GPC5: variants seen among roughly 807,000 people sequenced by gnomAD.
The protein encoded by GPC5 is glypican-5.
In GPC5, 47 loss-of-function variants were observed where a neutral mutation model predicts 53.9. The observed-to-expected ratio is 0.87, with a 90% CI of 0.69 to 1.11. The LOEUF is 1.11. Ranked by LOEUF, GPC5 falls within the 50% of genes most tolerant of loss-of-function variation. The pLI, the probability that GPC5 is intolerant of heterozygous loss-of-function variation, is 0.00. For missense variants in GPC5, 748 were observed against 713.1 expected, an observed-to-expected ratio of 1.05 and a Z score of -0.56; for synonymous variants, 286 against 263.3, an observed-to-expected ratio of 1.09 and a Z score of -0.84.
chr13:92,322,193 G>A (rs2043220458), intron 7 of GPC5, among the ~76,000 whole-genome samples: 1 of 151,994 alleles, frequency 6.6e-6, no homozygotes, highest in Non-Finnish European at 1.5e-5. Flanking sequence ...TACAGGTCAT[G>A]CATATAGTAA....
chr13:92,530,779 G>A (rs956268883), intron 7 of GPC5, among the ~76,000 whole-genome samples: 1 of 152,086 alleles, frequency 6.6e-6, no homozygotes, highest in South Asian at 2.1e-4. Flanking sequence ...ACTCATACTT[G>A]TGCACATTTC....
At chr13:92,834,750 T>C (rs1466537800) in intron 7 of GPC5, among the ~76,000 whole-genome samples, 1 of 152,068 alleles carries the variant, frequency 6.6e-6, no homozygotes, top group South Asian at 2.1e-4. Flanking sequence ...AAAGAGATAA[T>C]TGGTATCTAA....
intron 1 of GPC5, among the ~76,000 whole-genome samples, chr13:91,424,770 A>C (rs1325485425): frequency 1.3e-5 from 2 of 152,160 alleles, no homozygotes; most frequent in Non-Finnish European, 2.9e-5. Context: ...GCCCAGTGTG[A>C]AGGCTGGCAA....
At chr13:91,863,920 T>A (rs751872956) in intron 5 of GPC5, among the ~76,000 whole-genome samples, 64 of 152,356 alleles carry the variant, frequency 4.2e-4, no homozygotes, top group Middle Eastern at 6.8e-3. Flanking sequence ...TTGAGTTATA[T>A]ACACACATCC....
At chr13:92,751,303 T>TAAA (rs71123435) in intron 7 of GPC5, among the ~76,000 whole-genome samples, 1,536 of 38,520 alleles carry the variant, frequency 0.04, 135 homozygotes, top group Non-Finnish European at 0.057. Context: ...CAGAAACATT[T>TAAA]AAAAAAAAAA....
chr13:92,071,461 G>A (rs1164368557), intron 6 of GPC5, among the ~76,000 whole-genome samples: 3 of 151,890 alleles, frequency 2.0e-5, no homozygotes, highest in African/African-American at 7.3e-5. Context: ...TTATTTTAAG[G>A]TATACATAAA....
intron 2 of GPC5, among the ~76,000 whole-genome samples, chr13:91,465,503 CTTGTG>C (rs1278336187): frequency 6.6e-6 from 1 of 151,682 alleles, no homozygotes; most frequent in African/African-American, 2.4e-5. Flanking sequence ...CTGCATTTTT[CTTGTG>C]TTGTGTTGTT....
chr13:92,261,913 C>T (rs1400488357), intron 7 of GPC5, among the ~76,000 whole-genome samples: 2 of 152,022 alleles, frequency 1.3e-5, no homozygotes, highest in African/African-American at 4.8e-5. Flanking sequence ...TTGTAAATGT[C>T]GGCATCTCTA....
At chr13:92,221,653 C>T (rs2042449522) in intron 7 of GPC5, among the ~76,000 whole-genome samples, 1 of 152,100 alleles carries the variant, frequency 6.6e-6, no homozygotes, top group Admixed American at 6.6e-5. Flanking sequence ...AATGATACCC[C>T]AGAATCAAAC....
chr13:91,412,243 C>T (rs1877855140), intron 1 of GPC5, among the ~76,000 whole-genome samples: 1 of 152,228 alleles, frequency 6.6e-6, no homozygotes, highest in African/African-American at 2.4e-5. Flanking sequence ...AACCCAGTGC[C>T]TTTTCGTGGC....
chr13:92,253,232 AGAGT>A (rs1419338150), intron 7 of GPC5, among the ~76,000 whole-genome samples: 5 of 152,102 alleles, frequency 3.3e-5, no homozygotes, highest in African/African-American at 9.7e-5. Context: ...AACAAAGAAA[AGAGT>A]GAGCGTTTTA....
chr13:92,417,797 G>A (rs760249731), intron 7 of GPC5, among the ~76,000 whole-genome samples: 22 of 152,154 alleles, frequency 1.4e-4, no homozygotes, highest in Non-Finnish European at 2.4e-4. Flanking sequence ...GGGCTGATGC[G>A]GGAGGATTGC....
intron 2 of GPC5, among the ~76,000 whole-genome samples, chr13:91,664,095 A>C (rs1022118940): frequency 5.9e-5 from 9 of 152,220 alleles, no homozygotes; most frequent in African/African-American, 1.7e-4. Context: ...GTTTTTAAGG[A>C]ATTGGATGTC....
At chr13:91,635,423 G>GTAC (rs1257036713) in intron 2 of GPC5, among the ~76,000 whole-genome samples, 4 of 152,040 alleles carry the variant, frequency 2.6e-5, no homozygotes, top group Admixed American at 6.5e-5. Context: ...AAATACCCAT[G>GTAC]TACTACTATG....
intron 7 of GPC5, among the ~76,000 whole-genome samples, chr13:92,680,543 G>A (rs1190529185): frequency 2.0e-5 from 3 of 152,076 alleles, no homozygotes; most frequent in Non-Finnish European, 1.5e-5. Flanking sequence ...TTGCTCTAAA[G>A]ACAAAGGAAA....
intron 5 of GPC5, among the ~76,000 whole-genome samples, chr13:91,832,015 GT>G (rs201999366): frequency 0.028 from 4,260 of 152,000 alleles, 201 homozygotes; most frequent in African/African-American, 0.097. Context: ...GAATATCCTT[GT>G]TAACCTTCTG....
In GPC5 at chr13:91,519,396, G is replaced by A. The variant is rs1429168852; in HGVS notation, c.325+70474G>A. Among the ~76,000 whole-genome samples the A allele has an allele frequency of 2.0e-5, 3 of 152,228 alleles. No homozygotes were observed. The East Asian group carries it at 5.8e-4, about 29-fold the overall frequency. On this transcript the variant is annotated intron_variant, in intron 2 of 7. Transcript: ENST00000377067. ...TCATGTTGAATTATGACCCCCCAGT[G>A]TTGGAGCAAGGGCCCCTTGGGAGGT... is the stretch of plus-strand genomic sequence containing the variant.
At chr13:92,488,628 G>A (rs1281291864) in intron 7 of GPC5, among the ~76,000 whole-genome samples, 2 of 152,124 alleles carry the variant, frequency 1.3e-5, no homozygotes, top group Admixed American at 6.6e-5. Context: ...GTCCTGTAAG[G>A]CAGAATTCAT....
At chr13:92,503,683 T>C (rs900376045) in intron 7 of GPC5, among the ~76,000 whole-genome samples, 1 of 151,878 alleles carries the variant, frequency 6.6e-6, no homozygotes, top group Non-Finnish European at 1.5e-5. Flanking sequence ...AAATTATAGA[T>C]AGACTATCAC....
Sources: allele counts gnomAD v4.1 joint callset (sites outside exome capture counted in the v4.1 genomes callset), GRCh38; gene constraint gnomAD v4.1.1; transcripts MANE v1.5; gene names NCBI Gene and HGNC (gene_info 2026-07-23, HGNC 2026-07-21).